Variants in LARGE1 observed in about 807,000 individuals in gnomAD.
LARGE1 encodes the protein LARGE xylosyl- and glucuronyltransferase 1.
LARGE1 carries 43 observed loss-of-function variants against 87.6 expected under a neutral mutation model. That is an observed-to-expected ratio of 0.49 (90% CI 0.38 to 0.63). The LOEUF (loss-of-function observed/expected upper bound fraction) is 0.63, where lower values mean the gene tolerates loss of function less well. Among genes scored for constraint, LARGE1 ranks in the 30% least tolerant of loss-of-function variants. The pLI is 0.00. For synonymous variants in LARGE1, 434 were observed against 394.6 expected (o/e 1.10, Z -1.18); for missense variants, 802 against 1,000.2 (o/e 0.80, Z 2.67).
At chr22:33,475,514 T>C (rs2069038663) in intron 6 of LARGE1, among the ~76,000 whole-genome samples, 1 of 151,702 alleles carries the variant, frequency 6.6e-6, no homozygotes, top group African/African-American at 2.4e-5. Flanking sequence ...CAGGCTGGAG[T>C]GCAATGGCAT....
At chr22:33,576,295 G>T (rs926062518) in intron 5 of LARGE1, among the ~76,000 whole-genome samples, 1 of 152,190 alleles carries the variant, frequency 6.6e-6, no homozygotes, top group African/African-American at 2.4e-5. Context: ...TGATGCACCT[G>T]CTTCGTTCAT....
intron 6 of LARGE1, among the ~76,000 whole-genome samples, chr22:33,481,822 C>T (rs2069342908): frequency 6.6e-6 from 1 of 152,142 alleles, no homozygotes; most frequent in African/African-American, 2.4e-5. Context: ...CATAAAGAGA[C>T]CGGCACCAGT....
chr22:33,417,986 C>T (rs1193582154), intron 7 of LARGE1, among the ~76,000 whole-genome samples: 2 of 152,092 alleles, frequency 1.3e-5, no homozygotes, highest in Non-Finnish European at 2.9e-5. Flanking sequence ...CTCGCTCTGT[C>T]GCCCAGGCTG....
At chr22:33,672,185 AGAG>A (rs1283082382) in intron 2 of LARGE1, among the ~76,000 whole-genome samples, 1 of 152,346 alleles carries the variant, frequency 6.6e-6, no homozygotes, top group Middle Eastern at 3.4e-3. Context: ...TAAGCACAGA[AGAG>A]GAGACAGGTA....
rs1347507240 is a variant in LARGE1, at chr22:33,384,110, G to A, written c.1005+82C>T. On this transcript the variant is annotated intron_variant, in intron 8 of 14. Coordinates refer to ENST00000397394, the MANE Select transcript of LARGE1 (RefSeq NM_133642.5). ...CACACAATACGTAGAAAACCATTCA[G>A]ATCGATTTAATTTTAAGTTTCTTTG... 4 of 985,672 alleles carry A rather than the reference G, an allele frequency of 4.1e-6. No individual in the cohort carries two copies. The African/African-American group carries it at 6.4e-5, about 16-fold the overall frequency. 61.1% of individuals were successfully genotyped at this position (985,672 alleles called of 1,614,324 possible). A position where few individuals can be genotyped will look rare whatever the true frequency, so the allele number is the denominator to read the frequency against.
At chr22:33,381,658 A>G (rs532600473) in intron 9 of LARGE1, among the ~76,000 whole-genome samples, 2 of 152,260 alleles carry the variant, frequency 1.3e-5, no homozygotes, top group African/African-American at 4.8e-5. Context: ...GCATGAACCA[A>G]AAGAGCCAGC....
chr22:33,553,355 TAA>T lies in LARGE1; in HGVS notation c.787+11491_787+11492del, dbSNP rs3216422. On this transcript the variant is annotated intron_variant, in intron 6 of 14. Transcript: ENST00000397394. ...ACCCTGTGTCTGCAAAAATAAAAAT[TAA>T]AAAAAAAAAATAGCCAGACGTGGTA... 2.6e-3 allele frequency among the ~76,000 whole-genome samples: 385 copies of T among 147,696 alleles called. 2 individuals are homozygous for T. The highest frequency in any genetic ancestry group is 9.0e-3 in the African/African-American group (360 of 39,956).
intron 2 of LARGE1, among the ~76,000 whole-genome samples, chr22:33,663,207 T>A (rs1170782158): frequency 1.3e-5 from 2 of 152,114 alleles, no homozygotes; most frequent in South Asian, 2.1e-4. Flanking sequence ...AATAACGCTT[T>A]ATTGGGATGG....
At chr22:33,517,544 G>C (rs1050473165) in intron 6 of LARGE1, among the ~76,000 whole-genome samples, 9 of 152,106 alleles carry the variant, frequency 5.9e-5, no homozygotes, top group African/African-American at 2.2e-4. Context: ...ACCAATATTA[G>C]CAAATATTAG....
chr22:33,296,260 C>T (rs1933236270), intron 12 of LARGE1, among the ~76,000 whole-genome samples: 2 of 152,384 alleles, frequency 1.3e-5, no homozygotes, highest in Admixed American at 6.5e-5. Context: ...TGCATGGACA[C>T]TCACCAGCTC....
At chr22:33,854,955 G>A (rs2063715029) in intron 1 of LARGE1, among the ~76,000 whole-genome samples, 1 of 152,174 alleles carries the variant, frequency 6.6e-6, no homozygotes, top group Non-Finnish European at 1.5e-5. Context: ...AACCCCAGAG[G>A]CAGGACCACA....
chr22:33,725,004 T>C (rs1314223017), intron 2 of LARGE1: 1 of 152,504 alleles, frequency 6.6e-6, no homozygotes, highest in Non-Finnish European at 1.5e-5. Flanking sequence ...AACAAAGACC[T>C]GCAGGAAGTA....
chr22:33,895,800 A>G (rs1374387749), intron 1 of LARGE1, among the ~76,000 whole-genome samples: 1 of 152,200 alleles, frequency 6.6e-6, no homozygotes, highest in Non-Finnish European at 1.5e-5. Flanking sequence ...GTCTTATTAG[A>G]AGCAAGTCAC....
At chr22:33,730,795 C>T (rs191388919) in intron 2 of LARGE1, among the ~76,000 whole-genome samples, 500 of 151,826 alleles carry the variant, frequency 3.3e-3, no homozygotes, top group Middle Eastern at 0.017. Flanking sequence ...CTGGTTCAAG[C>T]GATTCTTTTG....
intron 1 of LARGE1, among the ~76,000 whole-genome samples, chr22:33,784,907 A>G (rs999930541): frequency 8.1e-6 from 1 of 123,558 alleles, no homozygotes; most frequent in Non-Finnish European, 1.8e-5. Context: ...ACTGTATATT[A>G]TATGTGTGTG....
At chr22:33,784,576 T>G (rs1347652554) in intron 1 of LARGE1, among the ~76,000 whole-genome samples, 1 of 152,132 alleles carries the variant, frequency 6.6e-6, no homozygotes, top group South Asian at 2.1e-4. Flanking sequence ...GTTCAGAGTT[T>G]AGGTGCTCCG....
At chr22:33,194,952 AT>A (rs780369012) in intron 11 of LARGE1, among the ~76,000 whole-genome samples, 20 of 152,180 alleles carry the variant, frequency 1.3e-4, no homozygotes, top group Non-Finnish European at 2.6e-4. Flanking sequence ...TTGCTCCGAT[AT>A]TTTAACTACC....
chr22:33,314,758 C>G (rs371633538), intron 11 of LARGE1, among the ~76,000 whole-genome samples: 130 of 152,224 alleles, frequency 8.5e-4, no homozygotes, highest in African/African-American at 3.1e-3. Context: ...GTAAGGGCAG[C>G]CACTGTGGGC....
At chr22:33,463,301 CA>C (rs927884827) in intron 6 of LARGE1, among the ~76,000 whole-genome samples, 5 of 151,344 alleles carry the variant, frequency 3.3e-5, no homozygotes, top group Admixed American at 2.6e-4. Flanking sequence ...AATACAAATA[CA>C]AAAAAAGCTG....
Sources: allele counts gnomAD v4.1 joint callset (sites outside exome capture counted in the v4.1 genomes callset), GRCh38; gene constraint gnomAD v4.1.1; transcripts MANE v1.5; gene names NCBI Gene and HGNC (gene_info 2026-07-23, HGNC 2026-07-21).